Variants in TAS2R1 observed in about 807,000 individuals in gnomAD.
TAS2R1 encodes the protein taste 2 receptor member 1, also known as taste receptor type 2 member 1.
For synonymous variants in TAS2R1, 141 were observed against 134.2 expected, an observed-to-expected ratio of 1.05 and a Z score of -0.35; for missense variants, 370 against 353.4, an observed-to-expected ratio of 1.05 and a Z score of -0.38.
chr5:9,866,679 C>T, the TAS2R1 span, among the ~76,000 whole-genome samples: 6 of 152,206 alleles, frequency 3.9e-5, no homozygotes, highest in Non-Finnish European at 8.8e-5. Context: ...AGGACTTCTC[C>T]TTAGAAGGTC....
chr5:9,902,187 C>A, the TAS2R1 span, among the ~76,000 whole-genome samples: 1 of 151,998 alleles, frequency 6.6e-6, no homozygotes, highest in East Asian at 1.9e-4. Context: ...TTACTAAAGA[C>A]CTGTGAGGTT....
chr5:9,752,157 G>C, the TAS2R1 span, among the ~76,000 whole-genome samples: 10 of 152,198 alleles, frequency 6.6e-5, no homozygotes, highest in Admixed American at 4.6e-4. Context: ...TGTTAAGTTA[G>C]ATACACTACC....
At chr5:9,733,812 C>T in the TAS2R1 span, among the ~76,000 whole-genome samples, 1 of 151,668 alleles carries the variant, frequency 6.6e-6, no homozygotes, top group African/African-American at 2.4e-5. Context: ...TTTTAAGCAG[C>T]TTATCACCAC....
chr5:9,675,418 T>TC (rs1740854500), intron 1 of TAS2R1, among the ~76,000 whole-genome samples: 1 of 149,794 alleles, frequency 6.7e-6, no homozygotes, highest in South Asian at 2.1e-4. Flanking sequence ...TTTTTCTTTT[T>TC]CTTTTTTTTT....
At chr5:9,724,412 C>A in the TAS2R1 span, among the ~76,000 whole-genome samples, 1 of 146,892 alleles carries the variant, frequency 6.8e-6, no homozygotes, top group African/African-American at 2.5e-5. Context: ...TGTTCTTTTG[C>A]AATGAAATAG....
chr5:9,629,212 G>C lies in TAS2R1; in HGVS notation c.821C>G (p.Ser274Cys). The change falls in exon 1 of 1, where the codon TCT becomes TGT. Residue 274 changes from serine (S) to cysteine (C), a missense_variant. Coordinates refer to ENST00000382492, the MANE Select transcript of TAS2R1 (RefSeq NM_019599.3). ...AGGATTTCCTAAAATTAAGATGAGA[G>C]AGTGTCCAGAAGGGTATATACCAAT... ...LVIGIYPSGHSLILILGNPKL... is the reference protein window; with the variant it reads ...LVIGIYPSGHCLILILGNPKL... The C allele has an allele frequency of 1.2e-6, 2 of 1,602,434 alleles. No individual in the cohort carries two copies. The highest frequency in any genetic ancestry group is 1.7e-6 in the Non-Finnish European group (2 of 1,176,188).
At chr5:9,766,677 C>G in the TAS2R1 span, among the ~76,000 whole-genome samples, 3 of 152,220 alleles carry the variant, frequency 2.0e-5, no homozygotes. Context: ...GTGGGCCAAA[C>G]AGTGCACTGT....
At chr5:9,897,198 C>T in the TAS2R1 span, among the ~76,000 whole-genome samples, 42 of 152,306 alleles carry the variant, frequency 2.8e-4, 1 homozygote, top group South Asian at 4.1e-3. Context: ...TGCCTATAAT[C>T]CCAGCACTTT....
At chr5:9,683,024 C>T (rs1433623937) in intron 1 of TAS2R1, among the ~76,000 whole-genome samples, 1 of 152,114 alleles carries the variant, frequency 6.6e-6, no homozygotes, top group Non-Finnish European at 1.5e-5. Flanking sequence ...GTAAAAAGAT[C>T]CTTTAATGTA....
chr5:9,852,861 A>C, the TAS2R1 span, among the ~76,000 whole-genome samples: 15 of 151,890 alleles, frequency 9.9e-5, no homozygotes, highest in African/African-American at 3.6e-4. Context: ...AAATATATAT[A>C]TATATGTCTC....
chr5:9,808,960 T>C, the TAS2R1 span, among the ~76,000 whole-genome samples: 1 of 152,178 alleles, frequency 6.6e-6, no homozygotes, highest in Non-Finnish European at 1.5e-5. Flanking sequence ...GATGCTGCCA[T>C]CATTGTCCTG....
At chr5:9,752,656 G>A in the TAS2R1 span, among the ~76,000 whole-genome samples, 6 of 151,750 alleles carry the variant, frequency 4.0e-5, no homozygotes, top group East Asian at 1.9e-4. Context: ...CCATTAACTC[G>A]TCATTTAACA....
chr5:9,772,388 T>A, the TAS2R1 span, among the ~76,000 whole-genome samples: 1 of 152,158 alleles, frequency 6.6e-6, no homozygotes, highest in East Asian at 1.9e-4. Context: ...CATTTCAATT[T>A]TTTTAATGTT....
intron 2 of TAS2R1, among the ~76,000 whole-genome samples, chr5:9,644,721 T>C (rs1474853541): frequency 6.6e-6 from 1 of 152,068 alleles, no homozygotes; most frequent in African/African-American, 2.4e-5. Context: ...CCAGCTGGAG[T>C]ATCTGAGCAC....
At chr5:9,727,580 G>T in the TAS2R1 span, among the ~76,000 whole-genome samples, 10 of 152,196 alleles carry the variant, frequency 6.6e-5, 1 homozygote, top group African/African-American at 2.4e-4. Context: ...AGAGAGAAGA[G>T]AAATCAGATT....
the TAS2R1 span, among the ~76,000 whole-genome samples, chr5:9,780,954 G>A: frequency 6.6e-6 from 1 of 152,170 alleles, no homozygotes; most frequent in Non-Finnish European, 1.5e-5. Context: ...TGAGTTTCTA[G>A]TCCACCAGCT....
the TAS2R1 span, among the ~76,000 whole-genome samples, chr5:9,830,260 CATAG>C: frequency 1.3e-5 from 2 of 151,808 alleles, no homozygotes; most frequent in Admixed American, 6.6e-5. Context: ...AGATGATAGA[CATAG>C]ATAGTTAGAT....
chr5:9,772,466 A>G, the TAS2R1 span, among the ~76,000 whole-genome samples: 1 of 152,084 alleles, frequency 6.6e-6, no homozygotes, highest in Non-Finnish European at 1.5e-5. Flanking sequence ...GAGGAGAAGG[A>G]TGTGTATTCT....
the TAS2R1 span, among the ~76,000 whole-genome samples, chr5:9,848,552 G>A: frequency 6.6e-6 from 1 of 152,064 alleles, no homozygotes; most frequent in African/African-American, 2.4e-5. Context: ...TAATAATAAT[G>A]TATTACATAC....
Sources: gnomAD v4.1 joint callset for allele counts (sites outside exome capture counted in the v4.1 genomes callset) on GRCh38, gnomAD v4.1.1 for gene constraint, MANE v1.5 for transcripts, NCBI Gene and HGNC (gene_info 2026-07-23, HGNC 2026-07-21) for gene names.